SNRNP40: variants seen among roughly 807,000 people sequenced by gnomAD.
SNRNP40 encodes small nuclear ribonucleoprotein U5 subunit 40, also known as U5 small nuclear ribonucleoprotein 40 kDa protein.
Under a neutral mutation model 45.8 loss-of-function variants are expected in SNRNP40, and 21 were observed. The observed-to-expected ratio is 0.46, with a 90% confidence interval of 0.32 to 0.66. The LOEUF (loss-of-function observed/expected upper bound fraction) is 0.66. SNRNP40 is among the 30% of genes least tolerant of loss of function. The probability of loss-of-function intolerance (pLI) is 0.03; values close to 1 mark genes in which losing one functional copy is unlikely to be tolerated. For synonymous variants in SNRNP40, 142 were observed against 163.8 expected (o/e 0.87, Z 1.01); for missense variants, 344 against 439.1 (o/e 0.78, Z 1.94).
intron 1 of SNRNP40, among the ~76,000 whole-genome samples, chr1:31,294,399 G>A (rs1646127392): frequency 1.3e-5 from 2 of 152,170 alleles, no homozygotes; most frequent in Admixed American, 6.5e-5. Context: ...AATGGGAGAA[G>A]TATACTACCC....
chr1:31,280,455 C>A (rs561472867), intron 5 of SNRNP40, among the ~76,000 whole-genome samples: 1 of 151,864 alleles, frequency 6.6e-6, no homozygotes, highest in East Asian at 1.9e-4. Context: ...AGCCACCACA[C>A]CTGGCCAAAA....
chr1:31,273,467 C>A (rs1405386404), intron 5 of SNRNP40, among the ~76,000 whole-genome samples: 2 of 151,884 alleles, frequency 1.3e-5, no homozygotes, highest in Admixed American at 1.3e-4. Context: ...GGTGAAACCC[C>A]GTCTCTACTA....
In SNRNP40 at chr1:31,276,200, G is replaced by C. The variant is rs995726067; in HGVS notation, c.655-4701C>G. Among the ~76,000 whole-genome samples, 4 of 152,246 alleles carry C rather than the reference G, an allele frequency of 2.6e-5. No individual in the cohort carries two copies. The Middle Eastern group carries it at 0.014, about 518-fold the overall frequency. ...GAGGTGAGCTGACAATTCCCATTTA[G>C]ACACAAGAAATGGAGATGAGGTTAA... On this transcript the variant is annotated intron_variant, in intron 5 of 9. Coordinates refer to ENST00000263694, the MANE Select transcript of SNRNP40 (RefSeq NM_004814.3).
At chr1:31,264,956 C>T (rs1324314989) in intron 8 of SNRNP40, among the ~76,000 whole-genome samples, 7 of 152,136 alleles carry the variant, frequency 4.6e-5, no homozygotes, top group Non-Finnish European at 7.4e-5. Flanking sequence ...AGAGGGGTTC[C>T]TTGCCCTCTC....
At position 31,269,142 on chromosome 1, in the gene SNRNP40, G is replaced by C. The variant is rs1645919591; in HGVS notation, c.858+16C>G. 3 of 1,575,824 alleles carry C rather than the reference G, an allele frequency of 1.9e-6. No homozygotes were observed. Among genetic ancestry groups the C allele is most frequent in the African/African-American group, 2.7e-5 (2 of 73,416 alleles). ...AGTAAATGAACAGTAAAACTCCTCT[G>C]CCATGCAGAACTCACCTTTTCAAAG... On this transcript the variant is annotated intron_variant, in intron 7 of 9. Transcript: ENST00000263694.
chr1:31,276,270 T>C (rs1463061317), intron 5 of SNRNP40, among the ~76,000 whole-genome samples: 2 of 152,190 alleles, frequency 1.3e-5, no homozygotes, highest in African/African-American at 4.8e-5. Flanking sequence ...ATTGGCAAAT[T>C]GCAAAATGAT....
At chr1:31,279,336 T>C (rs868586515) in intron 5 of SNRNP40, among the ~76,000 whole-genome samples, 3 of 152,226 alleles carry the variant, frequency 2.0e-5, no homozygotes, top group African/African-American at 7.2e-5. Context: ...AGGAGGTCAA[T>C]AGCAAAGCTT....
rs781589329 is a variant in SNRNP40, at chr1:31,296,709, C to T, written c.43G>A (p.Val15Ile). 5.0e-6 allele frequency: 8 copies of T among 1,613,644 alleles called. No individual in the cohort carries two copies. The highest frequency in any genetic ancestry group is 1.7e-5 in the Admixed American group (1 of 59,960). ...QKRKGPELPL[V>I]PVKRQRHELL... is the part of the protein sequence containing the mutation. ...TCATGCCGCTGCCGCTTGACTGGAA[C>T]CAGCGGCAACTCTGGGCCCTTACGC... The change falls in exon 1 of 10, where the codon GTT becomes ATT. Residue 15 changes from valine (V) to isoleucine (I), a missense_variant. Physicochemically the swap from Val to Ile is conservative, Grantham distance 29. This residue lies in a region of SNRNP40 where 90 missense variants were observed against 58.9 expected (regional missense o/e 1.53). Transcript: ENST00000263694.
At chr1:31,292,462 C>T (rs920725700) in intron 2 of SNRNP40, among the ~76,000 whole-genome samples, 4 of 152,186 alleles carry the variant, frequency 2.6e-5, no homozygotes, top group Non-Finnish European at 5.9e-5. Context: ...GATCCCTAAG[C>T]AATCCAGACG....
intron 2 of SNRNP40, among the ~76,000 whole-genome samples, chr1:31,292,374 C>T (rs181632813): frequency 5.1e-4 from 77 of 152,064 alleles, no homozygotes; most frequent in African/African-American, 1.6e-3. Context: ...AAAAGCCAAC[C>T]GACCAACCAA....
intron 5 of SNRNP40, among the ~76,000 whole-genome samples, chr1:31,274,277 G>A (rs1451060890): frequency 6.6e-6 from 1 of 152,068 alleles, no homozygotes; most frequent in Non-Finnish European, 1.5e-5. Context: ...TCCCTCTGTT[G>A]CCAGGCTGGA....
At chr1:31,260,874 A>AAAT in intron 9 of SNRNP40, 3 of 650,896 alleles carry the variant, frequency 4.6e-6, no homozygotes, top group Non-Finnish European at 6.0e-6. Flanking sequence ...AAAAAAAAAA[A>AAAT]AAAAAAGTAT....
At chr1:31,289,652 T>C (rs888576770) in intron 3 of SNRNP40, among the ~76,000 whole-genome samples, 7 of 152,208 alleles carry the variant, frequency 4.6e-5, no homozygotes, top group African/African-American at 1.7e-4. Flanking sequence ...TTCCCCTTCT[T>C]TGAGTCCCCA....
intron 8 of SNRNP40, among the ~76,000 whole-genome samples, chr1:31,263,954 CTTG>C (rs1645878763): frequency 6.7e-6 from 1 of 148,582 alleles, no homozygotes; most frequent in African/African-American, 2.5e-5. Context: ...GACCCTCAAT[CTTG>C]CTTAAGTCAT....
chr1:31,295,780 G>A (rs1198254095), intron 1 of SNRNP40, among the ~76,000 whole-genome samples: 2 of 152,244 alleles, frequency 1.3e-5, no homozygotes, highest in Non-Finnish European at 2.9e-5. Context: ...AGACCAGTTA[G>A]GGTCCCACTA....
intron 4 of SNRNP40, among the ~76,000 whole-genome samples, chr1:31,288,463 T>C (rs1018809177): frequency 1.3e-5 from 2 of 152,174 alleles, no homozygotes; most frequent in African/African-American, 4.8e-5. Context: ...ACTGAATCAC[T>C]TGAAGGACAC....
chr1:31,267,577 G>A lies in SNRNP40; in HGVS notation c.920+294C>T, dbSNP rs1463635569. ...GATGGAGTCTCGCTCTTGCTGCCCG[G>A]GCTGGAGCAGTGCAACGGCGTGATC... is the stretch of plus-strand genomic sequence containing the variant. On this transcript the variant is annotated intron_variant, in intron 8 of 9. Transcript: ENST00000263694. 2.6e-5 allele frequency among the ~76,000 whole-genome samples: 4 copies of A among 152,230 alleles called. No homozygotes were observed. In the South Asian group the frequency reaches 8.3e-4, roughly 32 times the overall value.
chr1:31,296,590 G>A (rs1321267000), intron 1 of SNRNP40, 21 bp downstream of exon 1: 3 of 1,599,476 alleles, frequency 1.9e-6, no homozygotes, highest in Non-Finnish European at 2.6e-6. Flanking sequence ...AGGGCCAAAG[G>A]CCGCCTGCTT....
At chr1:31,296,173 A>G (rs937041921) in intron 1 of SNRNP40, among the ~76,000 whole-genome samples, 1 of 152,246 alleles carries the variant, frequency 6.6e-6, no homozygotes, top group Non-Finnish European at 1.5e-5. Context: ...AGTTGTTAAT[A>G]ATACTAGTGC....
Sources: gnomAD v4.1 joint callset for allele counts (sites outside exome capture counted in the v4.1 genomes callset) on GRCh38, gnomAD v4.1.1 for gene constraint, gnomAD v4.1.1 regional missense constraint, MANE v1.5 for transcripts, NCBI Gene and HGNC (gene_info 2026-07-23, HGNC 2026-07-21) for gene names.